DNAJC3: variants seen among roughly 807,000 people sequenced by gnomAD.
The protein encoded by DNAJC3 is DnaJ heat shock protein family (Hsp40) member C3, also known as dnaJ homolog subfamily C member 3.
DNAJC3 carries 38 observed loss-of-function variants against 68.6 expected under a neutral mutation model. The ratio of observed to expected loss-of-function variants is 0.55; its 90% confidence interval spans 0.43 to 0.73. The LOEUF is 0.73. DNAJC3 is among the 30% of genes least tolerant of loss of function. The pLI, the probability that DNAJC3 is intolerant of heterozygous loss-of-function variation, is 0.00. For synonymous variants in DNAJC3, 203 were observed against 204.0 expected (o/e 1.00, Z 0.04); for missense variants, 526 against 591.9 (o/e 0.89, Z 1.16).
intron 1 of DNAJC3, among the ~76,000 whole-genome samples, chr13:95,700,211 G>A (rs1032138154): frequency 6.6e-6 from 1 of 152,098 alleles, no homozygotes; most frequent in African/African-American, 2.4e-5. Flanking sequence ...TCAGCAACCT[G>A]AATAGCTGGG....
At chr13:95,788,217 T>A (rs1883661135) in intron 11 of DNAJC3, among the ~76,000 whole-genome samples, 1 of 152,250 alleles carries the variant, frequency 6.6e-6, no homozygotes, top group Non-Finnish European at 1.5e-5. Context: ...GTTGGATACA[T>A]ACTGTCCTGT....
chr13:95,790,942 A>G lies in DNAJC3; in HGVS notation c.1427A>G (p.Asn476Ser). 1 of 1,609,978 alleles carries G rather than the reference A, an allele frequency of 6.2e-7. No individual in the cohort carries two copies. Among genetic ancestry groups the G allele is most frequent in the Non-Finnish European group, 8.5e-7 (1 of 1,179,120 alleles). ...GAGAGCCAGCAAGGAGGCGGCGGCAACCCTTTCCACAGAAGCTGGAACTCA... is the reference window on the plus strand; with the variant it reads ...GAGAGCCAGCAAGGAGGCGGCGGCAGCCCTTTCCACAGAAGCTGGAACTCA... ...DAESQQGGGG[N>S]PFHRSWNSWQ... Residue 476 changes from asparagine (N) to serine (S), a missense_variant, in exon 12 of 12, where the codon AAC (asparagine) becomes AGC (serine). Transcript: ENST00000602402.
intron 4 of DNAJC3, chr13:95,742,690 C>G (rs773430293): frequency 1.9e-6 from 1 of 519,000 alleles, no homozygotes; most frequent in South Asian, 1.4e-5. Flanking sequence ...ATGATCTATA[C>G]TTGCTATTTT....
At chr13:95,678,590 T>A (rs970368002) in intron 1 of DNAJC3, among the ~76,000 whole-genome samples, 4 of 152,354 alleles carry the variant, frequency 2.6e-5, no homozygotes, top group African/African-American at 9.6e-5. Flanking sequence ...ATATTCTAGT[T>A]CTTTTGCATT....
intron 2 of DNAJC3, among the ~76,000 whole-genome samples, chr13:95,716,830 A>G (rs1881164774): frequency 6.6e-6 from 1 of 152,130 alleles, no homozygotes; most frequent in South Asian, 2.1e-4. Flanking sequence ...TTATATGGGC[A>G]CAGTATGGGG....
intron 9 of DNAJC3, among the ~76,000 whole-genome samples, chr13:95,773,183 T>G (rs972725850): frequency 2.7e-5 from 4 of 149,342 alleles, no homozygotes; most frequent in Non-Finnish European, 5.9e-5. Context: ...TTGTTTTTGC[T>G]TTTTTTGAGA....
intron 1 of DNAJC3, among the ~76,000 whole-genome samples, chr13:95,691,419 G>T (rs937144529): frequency 6.6e-6 from 1 of 151,892 alleles, no homozygotes; most frequent in Non-Finnish European, 1.5e-5. Context: ...CCCGGACGGG[G>T]CGGCAGGGCA....
chr13:95,753,632 GAA>G (rs1463673006), intron 4 of DNAJC3, among the ~76,000 whole-genome samples: 1 of 152,152 alleles, frequency 6.6e-6, no homozygotes, highest in Non-Finnish European at 1.5e-5. Flanking sequence ...AGAAGTCAAA[GAA>G]AGGTTCTATT....
chr13:95,739,145 A>T (rs920935235), intron 4 of DNAJC3, among the ~76,000 whole-genome samples: 8 of 152,198 alleles, frequency 5.3e-5, no homozygotes, highest in African/African-American at 1.9e-4. Context: ...AATGTTGAAT[A>T]TTGGCCCCCA....
intron 4 of DNAJC3, among the ~76,000 whole-genome samples, chr13:95,747,895 C>G (rs1594000615): frequency 6.6e-6 from 1 of 152,146 alleles, no homozygotes; most frequent in Non-Finnish European, 1.5e-5. Context: ...ATGCTATTCC[C>G]TGAGATAGTC....
chr13:95,745,916 C>T (rs1882290389), intron 4 of DNAJC3, among the ~76,000 whole-genome samples: 1 of 152,234 alleles, frequency 6.6e-6, no homozygotes, highest in South Asian at 2.1e-4. Context: ...TTGTGCAGCA[C>T]TCACCATGTA....
intron 1 of DNAJC3, among the ~76,000 whole-genome samples, chr13:95,697,031 A>C (rs933099489): frequency 6.6e-6 from 1 of 152,300 alleles, no homozygotes; most frequent in East Asian, 1.9e-4. Context: ...TTCAAGGTTA[A>C]TATTGATATG....
At chr13:95,683,616 CCT>C (rs1442843157) in intron 1 of DNAJC3, among the ~76,000 whole-genome samples, 1 of 152,128 alleles carries the variant, frequency 6.6e-6, no homozygotes, top group African/African-American at 2.4e-5. Context: ...GCCAATTAAA[CCT>C]CTTTTCTTTA....
At chr13:95,680,823 T>C (rs1166795497) in intron 1 of DNAJC3, among the ~76,000 whole-genome samples, 1 of 152,194 alleles carries the variant, frequency 6.6e-6, no homozygotes, top group East Asian at 1.9e-4. Flanking sequence ...TTAATCTTTG[T>C]TTATATGGAA....
Position 95,677,318 on chromosome 13 carries a change from GGT to G in DNAJC3, c.65_66del (p.Val22GlyfsTer8). 6.3e-7 allele frequency: 1 copy of G among 1,599,316 alleles called. No homozygotes were observed. Among genetic ancestry groups the G allele is most frequent in the East Asian group, 2.3e-5 (1 of 42,850 alleles). ...CGGTATTCCCCTTCCTGCTAGTCCT[GGT>G]GGATCTGCAGTACGAAGGTGAGTCC... The part of the protein sequence containing the change: ...GSVFPFLLVL[V>X]DLQYEGAECG... On this transcript the variant is annotated frameshift_variant, in exon 1 of 12. Transcript: ENST00000602402. LOFTEE classifies it high-confidence loss of function.
intron 4 of DNAJC3, among the ~76,000 whole-genome samples, chr13:95,736,079 A>G (rs1329564987): frequency 7.9e-5 from 12 of 152,118 alleles, no homozygotes; most frequent in Admixed American, 2.6e-4. Context: ...TGAATAGGGA[A>G]TCCTTTCCCC....
At chr13:95,689,858 A>G (rs1162393315) in intron 1 of DNAJC3, among the ~76,000 whole-genome samples, 1 of 152,106 alleles carries the variant, frequency 6.6e-6, no homozygotes, top group African/African-American at 2.4e-5. Context: ...TGCTCGCCCA[A>G]AAGTAATTCC....
chr13:95,745,258 GAA>G (rs1160781044), intron 4 of DNAJC3: 6 of 152,132 alleles, frequency 3.9e-5, no homozygotes, highest in Non-Finnish European at 7.4e-5. Context: ...ACAATTATTT[GAA>G]GTTTCTAGCT....
chr13:95,690,657 C>T lies in DNAJC3; in HGVS notation c.82+13320C>T, dbSNP rs1159265031. ...CTCCCGGACGGGGCGGCTGGCCGGG[C>T]GGGGGGCTGACCCCCCCACCTCCCT... On this transcript the variant is annotated intron_variant, in intron 1 of 11. Transcript: ENST00000602402. Among the ~76,000 whole-genome samples, 35 of 140,370 alleles carry T rather than the reference C, an allele frequency of 2.5e-4. 1 individual carries two copies. The highest frequency in any genetic ancestry group is 2.3e-4 in the South Asian group (1 of 4,396). 92.1% of individuals were successfully genotyped at this position (140,370 alleles called of 152,430 possible).
Sources: gnomAD v4.1 joint callset for allele counts (sites outside exome capture counted in the v4.1 genomes callset) on GRCh38, gnomAD v4.1.1 for gene constraint, MANE v1.5 for transcripts, NCBI Gene and HGNC (gene_info 2026-07-23, HGNC 2026-07-21) for gene names.